Variants in KCNMB2 observed in about 807,000 individuals in gnomAD.
The protein encoded by KCNMB2 is potassium calcium-activated channel subfamily M regulatory beta subunit 2.
A neutral mutation model predicts 24.5 loss-of-function variants in KCNMB2; 9 were observed. That is an observed-to-expected ratio of 0.37 (90% CI 0.22 to 0.64). The LOEUF (loss-of-function observed/expected upper bound fraction) is 0.64. Ranked by LOEUF, KCNMB2 falls within the 30% of genes least tolerant of loss-of-function variation. KCNMB2 has a pLI of 0.63. For synonymous variants in KCNMB2, 109 were observed against 104.4 expected (o/e 1.04, Z -0.27); for missense variants, 226 against 284.3 (o/e 0.79, Z 1.47).
At chr3:178,579,925 G>A (rs1002492190) in intron 1 of KCNMB2, among the ~76,000 whole-genome samples, 7 of 152,208 alleles carry the variant, frequency 4.6e-5, no homozygotes, top group East Asian at 1.9e-4. Flanking sequence ...ATTCACAGCC[G>A]AATTCTATCA....
At chr3:178,683,731 T>C (rs1352405455) in intron 1 of KCNMB2, among the ~76,000 whole-genome samples, 3 of 152,234 alleles carry the variant, frequency 2.0e-5, no homozygotes, top group Admixed American at 2.0e-4. Flanking sequence ...TGTTTGCTAA[T>C]GGTTCTGATT....
intron 1 of KCNMB2, chr3:178,795,291 T>C (rs909507007): frequency 1.3e-5 from 2 of 152,200 alleles, no homozygotes; most frequent in Non-Finnish European, 2.9e-5. Context: ...TTTGAGTTTT[T>C]ATATTTTTGT....
chr3:178,811,268 A>G (rs1714181628), intron 2 of KCNMB2, among the ~76,000 whole-genome samples: 1 of 152,210 alleles, frequency 6.6e-6, no homozygotes, highest in South Asian at 2.1e-4. Flanking sequence ...AGTTTAAAAA[A>G]CAAAACAATC....
At position 178,584,972 on chromosome 3, in the gene KCNMB2, T is replaced by C. The variant is rs1717373052; in HGVS notation, c.-68+48261T>C. Among the ~76,000 whole-genome samples, 3 of 152,210 alleles carry C rather than the reference T, an allele frequency of 2.0e-5. No homozygotes were observed. The South Asian group carries it at 6.2e-4, about 31-fold the overall frequency. On this transcript the variant is annotated intron_variant, in intron 1 of 4. Transcript: ENST00000452583. ...CATATTGTGTTTGTGTGCACCTATC[T>C]ACAATGTTCTTTCTTGTAAGGAGTT...
chr3:178,737,695 T>C (rs188418196), intron 1 of KCNMB2, among the ~76,000 whole-genome samples: 2 of 152,294 alleles, frequency 1.3e-5, no homozygotes, highest in Non-Finnish European at 2.9e-5. Flanking sequence ...AAAGAATGTA[T>C]ACTTTAGTAT....
chr3:178,668,473 A>G (rs1720794011), intron 1 of KCNMB2, among the ~76,000 whole-genome samples: 1 of 152,182 alleles, frequency 6.6e-6, no homozygotes, highest in South Asian at 2.1e-4. Flanking sequence ...TTTTCAGGAC[A>G]TGAAACGTAG....
chr3:178,545,862 C>T (rs976897926), intron 1 of KCNMB2, among the ~76,000 whole-genome samples: 1 of 152,058 alleles, frequency 6.6e-6, no homozygotes, highest in Non-Finnish European at 1.5e-5. Flanking sequence ...TTTTAGAGGC[C>T]ACATTTTCAT....
At chr3:178,757,328 A>G (rs1483573463) in intron 1 of KCNMB2, among the ~76,000 whole-genome samples, 2 of 109,306 alleles carry the variant, frequency 1.8e-5, no homozygotes, top group Non-Finnish European at 3.7e-5. Flanking sequence ...GGACATATAT[A>G]TATGTATATA....
At chr3:178,762,690 G>T (rs1287835607) in intron 1 of KCNMB2, among the ~76,000 whole-genome samples, 1 of 152,122 alleles carries the variant, frequency 6.6e-6, no homozygotes, top group African/African-American at 2.4e-5. Context: ...GTAATGAAGA[G>T]AAATGAACTA....
chr3:178,647,408 A>G (rs1719957501), intron 1 of KCNMB2, among the ~76,000 whole-genome samples: 2 of 152,320 alleles, frequency 1.3e-5, no homozygotes, highest in African/African-American at 4.8e-5. Context: ...GTTGCTTTCT[A>G]CTAGAATTTA....
intron 1 of KCNMB2, among the ~76,000 whole-genome samples, chr3:178,543,662 C>T (rs6777351): frequency 0.036 from 5,432 of 152,238 alleles, 111 homozygotes; most frequent in East Asian, 0.093. Context: ...TCATTCTGTA[C>T]CAAATAACTT....
chr3:178,746,425 G>A (rs1402517634), intron 1 of KCNMB2, among the ~76,000 whole-genome samples: 1 of 152,046 alleles, frequency 6.6e-6, no homozygotes, highest in African/African-American at 2.4e-5. Flanking sequence ...TTCCTCCTAG[G>A]TCTCTGTGCC....
At chr3:178,809,288 C>T (rs186569397) in intron 2 of KCNMB2, among the ~76,000 whole-genome samples, 121 of 152,178 alleles carry the variant, frequency 8.0e-4, no homozygotes, top group African/African-American at 2.7e-3. Context: ...TTAGAGCAAG[C>T]GAAGTGTAAT....
chr3:178,575,321 C>T lies in KCNMB2; in HGVS notation c.-68+38610C>T, dbSNP rs1716953028. Among the ~76,000 whole-genome samples, 3 of 152,118 alleles carry T rather than the reference C, an allele frequency of 2.0e-5. No individual in the cohort carries two copies. In the South Asian group the frequency reaches 6.2e-4, roughly 32 times the overall value. On this transcript the variant is annotated intron_variant, in intron 1 of 4. Coordinates refer to ENST00000452583, the MANE Select transcript of KCNMB2 (RefSeq NM_181361.3). The stretch of plus-strand genomic sequence containing the variant: ...GGTTCTGGGGTAGGGGGTTATGTCA[C>T]ATCACCACAAGTAAAATATACCAAG...
intron 1 of KCNMB2, among the ~76,000 whole-genome samples, chr3:178,599,549 TC>T: frequency 6.6e-6 from 1 of 152,306 alleles, no homozygotes; most frequent in Non-Finnish European, 1.5e-5. Flanking sequence ...TGCACACTCA[TC>T]CTTACACATG....
chr3:178,664,504 A>G (rs1720648236), intron 1 of KCNMB2, among the ~76,000 whole-genome samples: 1 of 152,052 alleles, frequency 6.6e-6, no homozygotes, highest in Non-Finnish European at 1.5e-5. Context: ...AATTTTGGCT[A>G]GAGAATATAC....
chr3:178,617,889 T>TAAAAAAAAAAAAAAAAAAA (rs3052262), intron 1 of KCNMB2, among the ~76,000 whole-genome samples: 1 of 99,278 alleles, frequency 1.0e-5, no homozygotes, highest in Admixed American at 1.1e-4. Flanking sequence ...AGACTCTGTC[T>TAAAAAAAAAAAAAAAAAAA]AAAAAAAAAA....
At chr3:178,782,803 C>T (rs1712922039) in intron 1 of KCNMB2, among the ~76,000 whole-genome samples, 1 of 151,140 alleles carries the variant, frequency 6.6e-6, no homozygotes, top group South Asian at 2.1e-4. Context: ...TAATTAGATC[C>T]CATTTGTCAA....
At chr3:178,553,778 G>T (rs1308440399) in intron 1 of KCNMB2, among the ~76,000 whole-genome samples, 2 of 152,062 alleles carry the variant, frequency 1.3e-5, no homozygotes, top group East Asian at 1.9e-4. Context: ...AACCTCAAGG[G>T]ATCTGCCTGT....
Sources: allele counts gnomAD v4.1 joint callset (sites outside exome capture counted in the v4.1 genomes callset), GRCh38; gene constraint gnomAD v4.1.1; transcripts MANE v1.5; gene names NCBI Gene and HGNC (gene_info 2026-07-23, HGNC 2026-07-21).